The following CELF2 variants were observed in gnomAD, a reference collection of about 807,000 sequenced individuals.
CELF2 encodes CUG triplet repeat RNA-binding protein 2.
Under a neutral mutation model 62.6 loss-of-function variants are expected in CELF2, and 8 were observed. The observed-to-expected ratio is 0.13, with a 90% CI of 0.07 to 0.23. The LOEUF is 0.23. Among genes scored for constraint, CELF2 ranks in the 10% least tolerant of loss-of-function variants. The pLI is 1.00. For synonymous variants in CELF2, 258 were observed against 250.0 expected (o/e 1.03, Z -0.30); for missense variants, 333 against 671.0 (o/e 0.50, Z 5.56).
Position 11,191,342 on chromosome 10 carries a change from G to T in CELF2, c.271+25660G>T, listed in dbSNP as rs773820767. On this transcript the variant is annotated intron_variant, in intron 2 of 12. Transcript: ENST00000633077. The surrounding 1 kb of genome is among the most constrained non-coding windows in gnomAD (Gnocchi z 4.1). Reference sequence around the variant, plus strand: ...TTGATCTCAGCCAGTTGAAGCTGATGCCTCTGTCCTGGTGTTTATAAGGGG... The same window carrying T: ...TTGATCTCAGCCAGTTGAAGCTGATTCCTCTGTCCTGGTGTTTATAAGGGG... Among the ~76,000 whole-genome samples the T allele has an allele frequency of 5.1e-4, 77 of 152,230 alleles. No homozygotes were observed. The highest frequency in any genetic ancestry group is 8.8e-5 in the Non-Finnish European group (6 of 68,036).
chr10:11,018,748 A>G (rs1184821999), intron 1 of CELF2: 1 of 152,508 alleles, frequency 6.6e-6, no homozygotes, highest in Non-Finnish European at 1.5e-5. Context: ...GCGAGTGTGC[A>G]CGCTTGTGTC....
chr10:11,193,512 G>T (rs527410461), intron 2 of CELF2, among the ~76,000 whole-genome samples: 3 of 152,292 alleles, frequency 2.0e-5, no homozygotes, highest in South Asian at 4.1e-4. Flanking sequence ...CTGAATTATG[G>T]GTAAGTTCTG....
chr10:11,125,442 T>TA (rs3054369), intron 1 of CELF2, among the ~76,000 whole-genome samples: 7,344 of 145,670 alleles, frequency 0.05, 224 homozygotes, highest in Middle Eastern at 0.064. Flanking sequence ...AGTAACTGGA[T>TA]AAAAAAAAAA....
At chr10:11,138,486 C>G (rs943349916) in intron 1 of CELF2, among the ~76,000 whole-genome samples, 1 of 152,140 alleles carries the variant, frequency 6.6e-6, no homozygotes, top group East Asian at 1.9e-4. Context: ...CCTTGACAGA[C>G]TTATTTTATT....
intron 2 of CELF2, among the ~76,000 whole-genome samples, chr10:11,215,443 G>A (rs905521280): frequency 5.9e-5 from 9 of 152,104 alleles, no homozygotes; most frequent in South Asian, 2.1e-4. Context: ...TGGCTGTGGC[G>A]TGGCCAAACT....
the CELF2 span, among the ~76,000 whole-genome samples, chr10:10,491,079 C>T: frequency 3.9e-5 from 6 of 152,240 alleles, no homozygotes; most frequent in South Asian, 6.2e-4. Context: ...TAAATCTGAT[C>T]GCAGCTAGAA....
intron 1 of CELF2, among the ~76,000 whole-genome samples, chr10:11,123,229 T>G (rs79448738): frequency 0.07 from 10,572 of 151,978 alleles, 441 homozygotes; most frequent in African/African-American, 0.1. Context: ...CAATTCTGAG[T>G]CAGGGTTTGT....
At chr10:10,667,854 A>G in the CELF2 span, among the ~76,000 whole-genome samples, 3 of 152,230 alleles carry the variant, frequency 2.0e-5, no homozygotes, top group Non-Finnish European at 4.4e-5. Flanking sequence ...TCAGAATGGC[A>G]GTGCATTGCA....
At chr10:10,656,570 G>A in the CELF2 span, among the ~76,000 whole-genome samples, 8 of 134,662 alleles carry the variant, frequency 5.9e-5, no homozygotes, top group South Asian at 6.3e-4. Flanking sequence ...TGTCCTTTGT[G>A]GGGACATGGA....
upstream of CELF2, among the ~76,000 whole-genome samples, chr10:10,793,421 T>G (rs980586113): frequency 6.6e-6 from 1 of 152,218 alleles, no homozygotes; most frequent in South Asian, 2.1e-4. Context: ...CAGGTGCAGA[T>G]TTTTTACAGT....
intron 2 of CELF2, chr10:10,935,304 A>G (rs1277781030): frequency 6.6e-6 from 1 of 152,216 alleles, no homozygotes; most frequent in East Asian, 1.9e-4. Context: ...TGATGCAAGA[A>G]TTTCTCTTGA....
At position 11,306,797 on chromosome 10, in the gene CELF2, G is replaced by A. The variant is rs149644802; in HGVS notation, c.977-7342G>A. 2.4e-3 allele frequency among the ~76,000 whole-genome samples: 363 copies of A among 152,194 alleles called. No individual in the cohort carries two copies. Among genetic ancestry groups the A allele is most frequent in the African/African-American group, 4.7e-3 (197 of 41,510 alleles). On this transcript the variant is annotated intron_variant, in intron 9 of 12. Transcript: ENST00000633077. This position sits in a 1 kb window ranked among gnomAD's most constrained non-coding sequence, Gnocchi z 4.4. ...TCTACTGGGACCGTCTAAGAACAGC[G>A]TAGTAAGAAGTGAGAAATTATGTCC...
At chr10:10,755,742 C>T in the CELF2 span, among the ~76,000 whole-genome samples, 1 of 152,212 alleles carries the variant, frequency 6.6e-6, no homozygotes, top group Non-Finnish European at 1.5e-5. Flanking sequence ...AGTACAGTCA[C>T]TCTTCAACCA....
the CELF2 span, among the ~76,000 whole-genome samples, chr10:10,781,056 G>A: frequency 3.9e-5 from 6 of 152,106 alleles, no homozygotes; most frequent in Non-Finnish European, 7.4e-5. Flanking sequence ...AAGAAAGCAC[G>A]TTGTGAAAAT....
intron 1 of CELF2, among the ~76,000 whole-genome samples, chr10:11,083,275 CT>C (rs1450299403): frequency 6.6e-6 from 1 of 152,190 alleles, no homozygotes; most frequent in African/African-American, 2.4e-5. Flanking sequence ...TGATTGGGGA[CT>C]GTGCCAACTG....
intron 1 of CELF2, among the ~76,000 whole-genome samples, chr10:11,032,109 A>G (rs1394128581): frequency 7.3e-6 from 1 of 137,286 alleles, no homozygotes; most frequent in Non-Finnish European, 1.6e-5. Context: ...GGGACATTAT[A>G]TGTCTTTACA....
intron 2 of CELF2, among the ~76,000 whole-genome samples, chr10:11,216,085 A>G (rs1334965063): frequency 1.3e-5 from 2 of 152,218 alleles, no homozygotes; most frequent in African/African-American, 4.8e-5. Context: ...TTCAAGTGAT[A>G]CATTTGAAGG....
chr10:10,831,826 G>T (rs1406244958), intron 1 of CELF2, among the ~76,000 whole-genome samples: 2 of 152,112 alleles, frequency 1.3e-5, no homozygotes, highest in African/African-American at 2.4e-5. Context: ...ACAAAAATTA[G>T]CCAGGTGTGG....
chr10:10,528,015 C>A, the CELF2 span, among the ~76,000 whole-genome samples: 1 of 152,178 alleles, frequency 6.6e-6, no homozygotes. Context: ...CAAGATCACA[C>A]AGTTAAATGA....
Sources: allele counts gnomAD v4.1 joint callset (sites outside exome capture counted in the v4.1 genomes callset), GRCh38; gene constraint gnomAD v4.1.1; non-coding constraint Gnocchi (gnomAD v3.1); transcripts MANE v1.5; gene names NCBI Gene and HGNC (gene_info 2026-07-23, HGNC 2026-07-21).